The following RALGPS2 variants were observed in gnomAD, a reference collection of about 807,000 sequenced individuals.
The protein encoded by RALGPS2 is Ral GEF with PH domain and SH3 binding motif 2.
A neutral mutation model predicts 86.8 loss-of-function variants in RALGPS2; 43 were observed. That is an observed-to-expected ratio of 0.50 (90% CI 0.39 to 0.64). The LOEUF (loss-of-function observed/expected upper bound fraction) is 0.64, where lower values mean the gene tolerates loss of function less well. RALGPS2 is among the 30% of genes least tolerant of loss of function. The pLI is 0.00. For missense variants in RALGPS2, 536 were observed against 694.6 expected (o/e 0.77, Z 2.57); for synonymous variants, 243 against 231.3 (o/e 1.05, Z -0.46).
chr1:178,875,042 T>C (rs1658940740), intron 8 of RALGPS2, among the ~76,000 whole-genome samples: 1 of 145,828 alleles, frequency 6.9e-6, no homozygotes, highest in South Asian at 2.1e-4. Flanking sequence ...GTAACACACA[T>C]ATATGCAATC....
chr1:178,752,584 A>T (rs1253918743), intron 1 of RALGPS2, among the ~76,000 whole-genome samples: 1 of 152,230 alleles, frequency 6.6e-6, no homozygotes, highest in Non-Finnish European at 1.5e-5. Context: ...AGTAAAATGT[A>T]ACATTTCGTG....
chr1:178,797,328 A>G (rs1654240633), intron 4 of RALGPS2, among the ~76,000 whole-genome samples: 1 of 151,926 alleles, frequency 6.6e-6, no homozygotes, highest in Non-Finnish European at 1.5e-5. Context: ...TTTTTTAATC[A>G]CAGAGAAATT....
At chr1:178,859,333 G>A (rs1258122927) in intron 8 of RALGPS2, among the ~76,000 whole-genome samples, 1 of 151,196 alleles carries the variant, frequency 6.6e-6, no homozygotes, top group Non-Finnish European at 1.5e-5. Context: ...TAAATATTTG[G>A]TGATTTAAAA....
intron 8 of RALGPS2, chr1:178,852,950 C>T (rs1430487564): frequency 1.2e-6 from 2 of 1,606,572 alleles, no homozygotes; most frequent in Non-Finnish European, 1.7e-6. Flanking sequence ...TTTCCAAACC[C>T]TTTCTGTTAA....
chr1:178,796,373 C>T (rs1654191017), intron 4 of RALGPS2, among the ~76,000 whole-genome samples: 1 of 152,160 alleles, frequency 6.6e-6, no homozygotes, highest in African/African-American at 2.4e-5. Flanking sequence ...TCATGTGTGA[C>T]TGAGACTTCT....
In RALGPS2 at chr1:178,810,455, G is replaced by T. The variant is rs141901291; in HGVS notation, c.298-860G>T. Among the ~76,000 whole-genome samples, 9 of 151,528 alleles carry T rather than the reference G, an allele frequency of 5.9e-5. No individual in the cohort carries two copies. The South Asian group carries it at 1.9e-3, about 32-fold the overall frequency. On this transcript the variant is annotated intron_variant, in intron 5 of 19. Coordinates refer to ENST00000367635, the MANE Select transcript of RALGPS2 (RefSeq NM_152663.5). Reference sequence around the variant, plus strand: ...TGATGTTAAATTTAATTAAGTTGGTGAACATGCACTTTAGATTTGAATTCG... The same window carrying T: ...TGATGTTAAATTTAATTAAGTTGGTTAACATGCACTTTAGATTTGAATTCG...
chr1:178,899,616 T>TGTTTTGGTTTTGGTTTTGGTTTTG (rs556440438), intron 17 of RALGPS2, among the ~76,000 whole-genome samples: 1 of 150,538 alleles, frequency 6.6e-6, no homozygotes, highest in Non-Finnish European at 1.5e-5. Context: ...TGTATTGTTG[T>TGTTTTGGTTTTGGTTTTGGTTTTG]GTTTTGGTTT....
intron 16 of RALGPS2, among the ~76,000 whole-genome samples, chr1:178,897,050 A>G (rs1025626201): frequency 2.0e-5 from 3 of 151,962 alleles, no homozygotes; most frequent in South Asian, 2.1e-4. Context: ...GACTTCCACA[A>G]TGGTTGAATT....
At chr1:178,789,912 A>G (rs1024202719) in intron 4 of RALGPS2, among the ~76,000 whole-genome samples, 3 of 152,172 alleles carry the variant, frequency 2.0e-5, no homozygotes, top group African/African-American at 4.8e-5. Flanking sequence ...AAAATTGACA[A>G]CAGTAACTAT....
In RALGPS2 at chr1:178,919,317, A is replaced by G. The variant is rs1034404056; in HGVS notation, c.*2958A>G. 1.3e-5 allele frequency: 2 copies of G among 151,830 alleles called. No individual in the cohort carries two copies. The highest frequency in any genetic ancestry group is 6.6e-5 in the Admixed American group (1 of 15,238). The allele number at this position is 151,830 out of a possible 1,614,324, so 9.4% of individuals were successfully genotyped here. A position where few individuals can be genotyped will look rare whatever the true frequency, so the allele number is the denominator to read the frequency against. Reference sequence around the variant, plus strand: ...CTAGGCATGTGCTTCAATTTCAAATATTTTTTTCTGTGTGGAAAATGCCAT... The same window carrying G: ...CTAGGCATGTGCTTCAATTTCAAATGTTTTTTTCTGTGTGGAAAATGCCAT... On this transcript the variant is annotated 3_prime_UTR_variant, in exon 20 of 20. Coordinates refer to ENST00000367635, the MANE Select transcript of RALGPS2 (RefSeq NM_152663.5).
chr1:178,897,322 CTT>C (rs1659993732), intron 16 of RALGPS2, among the ~76,000 whole-genome samples: 1 of 152,032 alleles, frequency 6.6e-6, no homozygotes, highest in East Asian at 1.9e-4. Flanking sequence ...AATAGGAACA[CTT>C]TTACACTGTT....
intron 2 of RALGPS2, among the ~76,000 whole-genome samples, chr1:178,780,398 G>A (rs1653332850): frequency 1.3e-5 from 2 of 152,024 alleles, no homozygotes. Context: ...GTTGGGTGTT[G>A]CACTTATATT....
intron 1 of RALGPS2, among the ~76,000 whole-genome samples, chr1:178,737,368 C>G (rs142986210): frequency 5.3e-4 from 80 of 152,274 alleles, no homozygotes; most frequent in African/African-American, 1.8e-3. Context: ...GCCTCAGCCT[C>G]GCGAGTAGCT....
chr1:178,748,878 C>A (rs1382941906), intron 1 of RALGPS2, among the ~76,000 whole-genome samples: 4 of 151,026 alleles, frequency 2.6e-5, no homozygotes, highest in Admixed American at 1.3e-4. Flanking sequence ...AAGGCAGGCA[C>A]TTTGGGGGTG....
chr1:178,875,404 T>C (rs1483148779), intron 8 of RALGPS2, among the ~76,000 whole-genome samples: 1 of 152,184 alleles, frequency 6.6e-6, no homozygotes, highest in East Asian at 1.9e-4. Context: ...TGGGATCAGA[T>C]TTGAAGGAAG....
At chr1:178,901,077 A>G (rs1660153641) in intron 17 of RALGPS2, among the ~76,000 whole-genome samples, 1 of 152,042 alleles carries the variant, frequency 6.6e-6, no homozygotes, top group African/African-American at 2.4e-5. Context: ...TTTAGCTTTC[A>G]TATTTCAATT....
In RALGPS2 at chr1:178,727,492, C is replaced by A. The variant is rs1379993671; in HGVS notation, c.-84+2073C>A. Among the ~76,000 whole-genome samples the A allele has an allele frequency of 3.9e-5, 6 of 152,254 alleles. No individual in the cohort carries two copies. In the East Asian group the frequency reaches 1.2e-3, roughly 29 times the overall value. On this transcript the variant is annotated intron_variant, in intron 1 of 19. Transcript: ENST00000367635. The stretch of plus-strand genomic sequence containing the variant: ...AGTTTGAAGATAATGCTTGCATTGG[C>A]AGAACACAACGTGCTTTTCTAATAT...
chr1:178,772,212 A>G (rs180870587), intron 1 of RALGPS2, among the ~76,000 whole-genome samples: 1 of 152,304 alleles, frequency 6.6e-6, no homozygotes, highest in African/African-American at 2.4e-5. Context: ...TTAACTGCTA[A>G]TATTGTATCC....
Position 178,837,121 on chromosome 1 carries a change from C to T in RALGPS2, c.607+3571C>T, listed in dbSNP as rs557965131. Among the ~76,000 whole-genome samples the T allele has an allele frequency of 5.7e-4, 87 of 152,280 alleles. 3 individuals carry two copies. The highest frequency in any genetic ancestry group is 7.9e-4 in the Admixed American group (12 of 15,282). On this transcript the variant is annotated intron_variant, in intron 8 of 19. Coordinates refer to ENST00000367635, the MANE Select transcript of RALGPS2 (RefSeq NM_152663.5). ...TTACTCTATATAATCGGAGTGGTCT[C>T]ATTCAGGTTTTTTCTGTATATTGCC...
Sources: gnomAD v4.1 joint callset for allele counts (sites outside exome capture counted in the v4.1 genomes callset) on GRCh38, gnomAD v4.1.1 for gene constraint, MANE v1.5 for transcripts, NCBI Gene and HGNC (gene_info 2026-07-23, HGNC 2026-07-21) for gene names.